OGFR: variants seen among roughly 807,000 people sequenced by gnomAD.
OGFR encodes protein 7-60.
Under a neutral mutation model 33.6 loss-of-function variants are expected in OGFR, and 18 were observed. The observed-to-expected ratio is 0.54, with a 90% CI of 0.37 to 0.80. OGFR has a LOEUF of 0.80. Ranked by LOEUF, OGFR falls within the 30% of genes least tolerant of loss-of-function variation. The pLI is 0.00. For synonymous variants in OGFR, 370 were observed against 400.7 expected, an observed-to-expected ratio of 0.92 and a Z score of 0.91; for missense variants, 877 against 955.8, an observed-to-expected ratio of 0.92 and a Z score of 1.09.
Position 62,811,446 on chromosome 20 carries a change from A to G in OGFR, c.466-16A>G, listed in dbSNP as rs13037298. The G allele has an allele frequency of 8.7e-6, 14 of 1,609,540 alleles. No homozygotes were observed. Among genetic ancestry groups the G allele is most frequent in the Non-Finnish European group, 1.2e-5 (14 of 1,178,738 alleles). On this transcript the variant is annotated splice_polypyrimidine_tract_variant and intron_variant, in intron 5 of 6. Transcript: ENST00000290291. ...TCAGGGATGGTGCCTGAGCTCTCCA[A>G]GGGGGTCTTTTCCAGGTGTTTAAAA... is the stretch of plus-strand genomic sequence containing the variant.
At chr20:62,810,433 G>A (rs904847387) in intron 4 of OGFR, 66 bp from the exon 5 acceptor site, 53 of 1,522,986 alleles carry the variant, frequency 3.5e-5, no homozygotes, top group Admixed American at 8.4e-5. Flanking sequence ...GCTACACAGC[G>A]AGCACCTGCC....
rs985455069 is a variant in OGFR, at chr20:62,804,942, G to T, written c.83G>T (p.Gly28Val). The T allele has an allele frequency of 6.7e-6, 10 of 1,493,474 alleles. No homozygotes were observed. The highest frequency in any genetic ancestry group is 1.5e-5 in the African/African-American group (1 of 68,256). 92.5% of individuals were successfully genotyped at this position (1,493,474 alleles called of 1,614,324 possible). A position where few individuals can be genotyped will look rare whatever the true frequency, so the allele number is the denominator to read the frequency against. Residue 28 changes from glycine (G) to valine (V), a missense_variant, in exon 1 of 7, where the codon GGC becomes GTC. This residue lies in a region of OGFR where 760 missense variants were observed against 736.0 expected (regional missense o/e 1.03). Coordinates refer to ENST00000290291, the MANE Select transcript of OGFR (RefSeq NM_007346.4). ...GCGGAGGACGAGGACTGCGAGGACG[G>T]CGAGGCCGCCGGCGCGAGGGACGCG... Reference protein sequence around the residue: ...EDAEDEDCEDGEAAGARDADA... With the variant: ...EDAEDEDCEDVEAAGARDADA...
rs1990635073 is a variant in OGFR, at chr20:62,807,978, C to T, written c.241-269C>T. 20 of 602,218 alleles carry T rather than the reference C, an allele frequency of 3.3e-5. No homozygotes were observed. The East Asian group carries it at 3.6e-4, about 11-fold the overall frequency. 37.3% of individuals were successfully genotyped at this position (602,218 alleles called of 1,614,324 possible). ...CATTACCCTCCACACCCCTGAATCA[C>T]GGAAACCCCTGTGCTGCCTTCAGGG... is the stretch of plus-strand genomic sequence containing the variant. On this transcript the variant is annotated intron_variant, in intron 2 of 6. Transcript: ENST00000290291.
In OGFR at chr20:62,809,715, G is replaced by A. The variant is rs549547198; in HGVS notation, c.398+52G>A. 9.6e-6 allele frequency: 13 copies of A among 1,358,156 alleles called. No homozygotes were observed. In the South Asian group the frequency reaches 1.4e-4, roughly 15 times the overall value. The allele number at this position is 1,358,156 out of a possible 1,614,324, so 84.1% of individuals were successfully genotyped here. On this transcript the variant is annotated intron_variant, in intron 4 of 6. Coordinates refer to ENST00000290291, the MANE Select transcript of OGFR (RefSeq NM_007346.4). The stretch of plus-strand genomic sequence containing the variant: ...GGGGTTGGCGAGGCCACAGGGGGAG[G>A]GCCCTCCCAGGCAGGAGCCCTCCCG...
In OGFR at chr20:62,812,686, C is replaced by A. The variant is rs1263288276; in HGVS notation, c.1071C>A (p.Pro357=). ...PRSVEPQDAG[P]LERSQGDEAG... ...GCGTGGAGCCCCAGGATGCGGGACC[C>A]CTGGAGAGGAGCCAGGGGGATGAGG... Residue 357 remains proline (P), a synonymous_variant, in exon 7 of 7, where the codon CCC becomes CCA. Coordinates refer to ENST00000290291, the MANE Select transcript of OGFR (RefSeq NM_007346.4). The A allele has an allele frequency of 6.4e-7, 1 of 1,572,464 alleles. No individual in the cohort carries two copies. The highest frequency in any genetic ancestry group is 8.6e-7 in the Non-Finnish European group (1 of 1,159,450).
Position 62,811,773 on chromosome 20 carries a change from G to A in OGFR, c.614+163G>A, listed in dbSNP as rs565142282. The stretch of plus-strand genomic sequence containing the variant: ...CTCCTTGCTGCCTGTAGAGCCGGGC[G>A]GTCCCTCCCCGATAGGGTTGGTGAG... On this transcript the variant is annotated intron_variant, in intron 6 of 6. Coordinates refer to ENST00000290291, the MANE Select transcript of OGFR (RefSeq NM_007346.4). Among the ~76,000 whole-genome samples the A allele has an allele frequency of 1.6e-3, 247 of 152,292 alleles. 1 individual carries two copies. Among genetic ancestry groups the A allele is most frequent in the African/African-American group, 5.8e-3 (239 of 41,544 alleles).
rs746306648 is a variant in OGFR at position 62,813,372 on chromosome 20, C to T, written c.1757C>T (p.Pro586Leu). ...CCATCGGAGACCCCAGGCCCCAGCC[C>T]GGCAGGACCTACAAGGGATGAGCCA... ...ESPSETPGPS[P>L]AGPTRDEPAE... is the part of the protein sequence containing the mutation. The change falls in exon 7 of 7, where the codon CCG becomes CTG. Residue 586 changes from proline to leucine, a missense_variant. By Grantham distance (98) the Pro-to-Leu change is moderately conservative (BLOSUM62 -3). Transcript: ENST00000290291. 5.8e-6 allele frequency: 9 copies of T among 1,554,924 alleles called. 2 individuals carry two copies. In the East Asian group the frequency reaches 7.0e-5, roughly 12 times the overall value.
chr20:62,811,634 A>G, intron 6 of OGFR, 24 bp downstream of exon 6: 1 of 644,384 alleles, frequency 1.6e-6, no homozygotes, highest in Non-Finnish European at 2.4e-6. Context: ...GCTCCCGCCC[A>G]CCCCCACCCC....
chr20:62,811,556 C>T lies in OGFR; in HGVS notation c.560C>T (p.Thr187Met), dbSNP rs1483541768. The T allele has an allele frequency of 5.0e-6, 8 of 1,606,320 alleles. No individual in the cohort carries two copies. Among genetic ancestry groups the T allele is most frequent in the Admixed American group, 3.4e-5 (2 of 59,232 alleles). ...GGGATCCGGCTGGAGGACCGAGGCA[C>T]GGGCACGGTGGGCCGAGCACAGAAC... ...FYGIRLEDRG[T>M]GTVGRAQNYQ... is the part of the protein sequence containing the mutation. Residue 187 changes from threonine to methionine, a missense_variant, in exon 6 of 7, where the codon ACG (threonine) becomes ATG (methionine). Around this residue, in one of 3 missense-constraint regions of OGFR, gnomAD observed 760 missense variants for 736.0 expected, o/e 1.03. Coordinates refer to ENST00000290291, the MANE Select transcript of OGFR (RefSeq NM_007346.4).
Position 62,813,076 on chromosome 20 carries a change from A to T in OGFR, c.1461A>T (p.Pro487=), listed in dbSNP as rs139231594. The T allele has an allele frequency of 4.1e-5, 64 of 1,579,380 alleles. No homozygotes were observed. In the African/African-American group the frequency reaches 7.4e-4, roughly 18 times the overall value. ...QTLALAGSPA[P]SGHPKAGHSE... is the part of the protein sequence containing the mutation. ...TGGCCCTTGCCGGGTCCCCTGCCCC[A>T]TCGGGGCACCCCAAGGCTGGACACA... Residue 487 remains proline, a synonymous_variant, in exon 7 of 7, where the codon CCA becomes CCT. Coordinates refer to ENST00000290291, the MANE Select transcript of OGFR (RefSeq NM_007346.4).
intron 4 of OGFR, 141 bp downstream of exon 4, chr20:62,809,804 A>T (rs1990683684): frequency 1.4e-6 from 1 of 701,636 alleles, no homozygotes; most frequent in Non-Finnish European, 2.6e-6. Flanking sequence ...TCCACATTAC[A>T]CGGATGGACA....
chr20:62,808,070 T>C (rs1034642646), intron 2 of OGFR, 177 bp from the exon 3 acceptor site: 2 of 676,684 alleles, frequency 3.0e-6, no homozygotes, highest in African/African-American at 1.8e-5. Context: ...CCCTGGGGCT[T>C]GGAGGCAGCT....
rs767777684 is a variant in OGFR, at chr20:62,811,550, G to A, written c.554G>A (p.Arg185Gln). Residue 185 changes from arginine (R) to glutamine (Q), a missense_variant, in exon 6 of 7, where the codon CGA (arginine) becomes CAA (glutamine). Transcript: ENST00000290291. ...TTCTACGGGATCCGGCTGGAGGACC[G>A]AGGCACGGGCACGGTGGGCCGAGCA... ...LGFYGIRLED[R>Q]GTGTVGRAQN... The A allele has an allele frequency of 2.4e-5, 38 of 1,606,976 alleles. No individual in the cohort carries two copies. The highest frequency in any genetic ancestry group is 3.1e-5 in the Non-Finnish European group (37 of 1,177,600).
Position 62,804,918 on chromosome 20 carries a change from C to G in OGFR, c.59C>G (p.Ala20Gly), listed in dbSNP as rs201801349. The G allele has an allele frequency of 2.7e-6, 4 of 1,495,466 alleles. No individual in the cohort carries two copies. The Admixed American group carries it at 8.9e-5, about 33-fold the overall frequency. The allele number at this position is 1,495,466 out of a possible 1,614,324, so 92.6% of individuals were successfully genotyped here. Residue 20 changes from alanine to glycine, a missense_variant, in exon 1 of 7, where the codon GCG becomes GGG. Around this residue, in one of 3 missense-constraint regions of OGFR, gnomAD observed 760 missense variants for 736.0 expected, o/e 1.03. Coordinates refer to ENST00000290291, the MANE Select transcript of OGFR (RefSeq NM_007346.4). ...WEEDEEDAEDAEDEDCEDGEA... is the reference protein window; with the variant it reads ...WEEDEEDAEDGEDEDCEDGEA... ...GAGGACGAGGAGGATGCGGAGGACGCGGAGGACGAGGACTGCGAGGACGGC... is the reference window on the plus strand; with the variant it reads ...GAGGACGAGGAGGATGCGGAGGACGGGGAGGACGAGGACTGCGAGGACGGC...
At chr20:62,810,079 T>C (rs1990689245) in intron 4 of OGFR, among the ~76,000 whole-genome samples, 1 of 105,382 alleles carries the variant, frequency 9.5e-6, no homozygotes, top group African/African-American at 4.0e-5. Context: ...GGACCCACAA[T>C]GTGGCCCCGG....
At position 62,806,041 on chromosome 20, in the gene OGFR, A is replaced by T. The variant is rs539012361; in HGVS notation, c.171+1011A>T. 3.3e-5 allele frequency: 5 copies of T among 152,770 alleles called. No homozygotes were observed. The East Asian group carries it at 9.7e-4, about 30-fold the overall frequency. 9.5% of individuals were successfully genotyped at this position (152,770 alleles called of 1,614,324 possible). On this transcript the variant is annotated intron_variant, in intron 1 of 6. Transcript: ENST00000290291. ...CCCTTTGGACCCCTCAGGCCTCCCCAGCTGCCTGCGCTGGACCCTGGCGGG... is the reference window on the plus strand; with the variant it reads ...CCCTTTGGACCCCTCAGGCCTCCCCTGCTGCCTGCGCTGGACCCTGGCGGG...
Sources: gnomAD v4.1 joint callset for allele counts (sites outside exome capture counted in the v4.1 genomes callset) on GRCh38, gnomAD v4.1.1 for gene constraint, gnomAD v4.1.1 regional missense constraint, MANE v1.5 for transcripts, NCBI Gene and HGNC (gene_info 2026-07-23, HGNC 2026-07-21) for gene names.